DCTN1: variants seen among roughly 807,000 people sequenced by gnomAD.
DCTN1 encodes the protein dynactin subunit 1, also known as 150 kDa dynein-associated polypeptide.
DCTN1 carries 61 observed loss-of-function variants against 161.2 expected under a neutral mutation model. The observed-to-expected ratio is 0.38, with a 90% confidence interval of 0.31 to 0.47. The LOEUF (loss-of-function observed/expected upper bound fraction) is 0.47, where lower values mean the gene tolerates loss of function less well. Among genes scored for constraint, DCTN1 ranks in the 20% least tolerant of loss-of-function variants. DCTN1 has a pLI of 0.99. For synonymous variants in DCTN1, 653 were observed against 632.4 expected, an observed-to-expected ratio of 1.03 and a Z score of -0.49; for missense variants, 1,404 against 1,623.7, an observed-to-expected ratio of 0.86 and a Z score of 2.33.
In DCTN1 at chr2:74,369,401, G is replaced by A. The variant is rs184840910; in HGVS notation, c.1483C>T (p.Arg495Trp). The change falls in exon 14 of 32, where the codon CGG (arginine) becomes TGG (tryptophan). Residue 495 changes from arginine (R) to tryptophan (W), a missense_variant. Transcript: ENST00000628224. The surrounding 1 kb of genome is among the most constrained non-coding windows in gnomAD (Gnocchi z 4.9). ...ACACGCTTCTGGGCCTCACGAACCC[G>A]CGCGCCTGCCATGTCCAGCTGCTCC... is the stretch of plus-strand genomic sequence containing the variant. Reference protein sequence around the residue: ...LREQLDMAGARVREAQKRVEA... With the variant: ...LREQLDMAGAWVREAQKRVEA... 6.2e-6 allele frequency: 10 copies of A among 1,614,160 alleles called. No individual in the cohort carries two copies. The highest frequency in any genetic ancestry group is 3.3e-4 in the Middle Eastern group (2 of 6,062).
intron 1 of DCTN1, among the ~76,000 whole-genome samples, chr2:74,387,353 C>T (rs1396365817): frequency 6.6e-6 from 1 of 150,922 alleles, no homozygotes; most frequent in Admixed American, 6.6e-5. Flanking sequence ...TCAACCATTC[C>T]CACAACTTCA....
At chr2:74,368,985 CAG>C in intron 15 of DCTN1, 105 bp from the exon 16 acceptor site, 5 of 1,566,324 alleles carry the variant, frequency 3.2e-6, no homozygotes, top group Non-Finnish European at 4.4e-6. Context: ...AAGCCCAGGC[CAG>C]AGTCTTCCAA....
At chr2:74,382,799 G>A (rs565049173), upstream of DCTN1, among the ~76,000 whole-genome samples, 21 of 152,174 alleles carry the variant, frequency 1.4e-4, no homozygotes, top group South Asian at 1.0e-3. Context: ...GAGGCCGGGC[G>A]CGGTGGCTCA....
upstream of DCTN1, among the ~76,000 whole-genome samples, chr2:74,382,765 T>G (rs550010660): frequency 2.0e-5 from 3 of 151,912 alleles, no homozygotes; most frequent in South Asian, 6.2e-4. Context: ...TGCCTTGAAT[T>G]ATGGGAATTT....
Position 74,365,564 on chromosome 2 carries a change from C to CT in DCTN1, c.2979dup (p.Val994SerfsTer20). 6.2e-7 allele frequency: 1 copy of CT among 1,614,162 alleles called. No homozygotes were observed. The stretch of plus-strand genomic sequence containing the variant: ...TGGGTCTCCTCCAGCCGAGTCTGGA[C>CT]TTTCTCGATGCGCTCATCTGCATCC... On this transcript the variant is annotated frameshift_variant, in exon 25 of 32. Coordinates refer to ENST00000628224, the MANE Select transcript of DCTN1 (RefSeq NM_004082.5). LOFTEE classifies it high-confidence loss of function.
upstream of DCTN1, among the ~76,000 whole-genome samples, chr2:74,382,991 C>T (rs978524976): frequency 6.6e-6 from 1 of 151,442 alleles, no homozygotes; most frequent in Non-Finnish European, 1.5e-5. Flanking sequence ...AGGAGAATGG[C>T]GTGAACCCGG....
rs555011247 is a variant in DCTN1 at position 74,391,800 on chromosome 2, T to C, written c.-25A>G. ...CAGAGTCGCGCCTCCGTACCTGCACTGTGAGGGGCTCCGCGCCCAGCTCCG... is the reference window on the plus strand; with the variant it reads ...CAGAGTCGCGCCTCCGTACCTGCACCGTGAGGGGCTCCGCGCCCAGCTCCG... On this transcript the variant is annotated 5_prime_UTR_variant, in exon 1 of 28. Transcript: ENST00000409240. 8.6e-4 allele frequency: 388 copies of C among 453,798 alleles called. 1 individual carries two copies. Among genetic ancestry groups the C allele is most frequent in the South Asian group, 5.7e-3 (368 of 64,454 alleles). 28.1% of individuals were successfully genotyped at this position (453,798 alleles called of 1,614,324 possible). A position where few individuals can be genotyped will look rare whatever the true frequency, so the allele number is the denominator to read the frequency against.
chr2:74,385,203 G>C (rs1219810399), upstream of DCTN1: 1 of 152,178 alleles, frequency 6.6e-6, no homozygotes, highest in African/African-American at 2.4e-5. Flanking sequence ...CCTTTCCCCA[G>C]AAATATCCAG....
upstream of DCTN1, chr2:74,380,368 C>G (rs1170639851): frequency 1.9e-6 from 1 of 514,532 alleles, no homozygotes; most frequent in Non-Finnish European, 3.8e-6. Context: ...GTCCTAGTGC[C>G]CCCCTGCTTC....
intron 7 of DCTN1, 147 bp from the exon 8 acceptor site, chr2:74,371,875 G>A (rs78836016): frequency 2.3e-6 from 1 of 425,796 alleles, no homozygotes; most frequent in Non-Finnish European, 3.5e-6. Flanking sequence ...AGTGAGAAAA[G>A]AAGAATGAAG....
At chr2:74,363,674 G>T (rs376956739) in intron 26 of DCTN1, 46 bp from the exon 27 acceptor site, 4 of 1,611,940 alleles carry the variant, frequency 2.5e-6, no homozygotes, top group Non-Finnish European at 2.5e-6. Flanking sequence ...GAGGAGAGAG[G>T]AGTTAGGTGA....
Position 74,380,271 on chromosome 2 carries a change from G to A in DCTN1, c.-234C>T. The A allele has an allele frequency of 1.6e-6, 1 of 622,360 alleles. No individual in the cohort carries two copies. The highest frequency in any genetic ancestry group is 2.8e-5 in the East Asian group (1 of 35,294). The allele number at this position is 622,360 out of a possible 1,614,324, so 38.6% of individuals were successfully genotyped here. A position where few individuals can be genotyped will look rare whatever the true frequency, so the allele number is the denominator to read the frequency against. On this transcript the variant is annotated 5_prime_UTR_variant, in exon 1 of 32. Coordinates refer to ENST00000628224, the MANE Select transcript of DCTN1 (RefSeq NM_004082.5). Reference sequence around the variant, plus strand: ...TGCTGCCTGAGGATTCCTGAACCCAGAGACACAGAATCCTGCTTGCCAGCT... The same window carrying A: ...TGCTGCCTGAGGATTCCTGAACCCAAAGACACAGAATCCTGCTTGCCAGCT...
chr2:74,377,387 T>A (rs200139590), intron 4 of DCTN1, 45 bp downstream of exon 4: 245 of 1,560,594 alleles, frequency 1.6e-4, no homozygotes, highest in Non-Finnish European at 2.0e-4. Flanking sequence ...TCTTTCTCCT[T>A]CCCCTCCCTT....
rs1165474131 is a variant in DCTN1, at chr2:74,367,783, C to T, written c.2097G>A (p.Leu699=). 1 of 1,614,148 alleles carries T rather than the reference C, an allele frequency of 6.2e-7. No homozygotes were observed. The highest frequency in any genetic ancestry group is 1.1e-5 in the South Asian group (1 of 91,086). ...YPEMSAHERS[L]DFLIELLHKD... Reference sequence around the variant, plus strand: ...TGTGCAGCAGTTCAATGAGGAAATCCAAGGAGCGCTCATGGGCACTCATCT... The same window carrying T: ...TGTGCAGCAGTTCAATGAGGAAATCTAAGGAGCGCTCATGGGCACTCATCT... The change falls in exon 18 of 32, where the codon TTG becomes TTA. Residue 699 remains leucine (L), a synonymous_variant. Coordinates refer to ENST00000628224, the MANE Select transcript of DCTN1 (RefSeq NM_004082.5).
chr2:74,377,620 G>A (rs747414713), intron 3 of DCTN1, 28 bp downstream of exon 3: 1 of 1,603,372 alleles, frequency 6.2e-7, no homozygotes, highest in African/African-American at 1.3e-5. Context: ...TGGCTATGGG[G>A]AGGCAACTTT....
At chr2:74,376,342 C>T (rs1675222658) in intron 5 of DCTN1, among the ~76,000 whole-genome samples, 2 of 152,164 alleles carry the variant, frequency 1.3e-5, no homozygotes, top group Admixed American at 1.3e-4. Flanking sequence ...CCTGCAAAAC[C>T]CCCTCACTTG....
chr2:74,377,779 A>G, intron 2 of DCTN1, 53 bp from the exon 3 acceptor site: 1 of 1,561,682 alleles, frequency 6.4e-7, no homozygotes, highest in African/African-American at 1.4e-5. Flanking sequence ...AGCCAGATCA[A>G]GGACGGCTGT....
rs1449996661 is a variant in DCTN1 at position 74,369,517 on chromosome 2, C to A, written c.1393-26G>T. The A allele has an allele frequency of 6.2e-7, 1 of 1,608,880 alleles. No individual in the cohort carries two copies. Among genetic ancestry groups the A allele is most frequent in the Non-Finnish European group, 8.5e-7 (1 of 1,179,886 alleles). ...CTAGGACACCACACCATAGTTTGGGCTAAAGAAAGGCAGGGTCGGCCAGCG... is the reference window on the plus strand; with the variant it reads ...CTAGGACACCACACCATAGTTTGGGATAAAGAAAGGCAGGGTCGGCCAGCG... On this transcript the variant is annotated intron_variant, in intron 13 of 31. Transcript: ENST00000628224. This position sits in a 1 kb window ranked among gnomAD's most constrained non-coding sequence, Gnocchi z 4.9.
At chr2:74,374,236 G>A in intron 6 of DCTN1, 87 bp downstream of exon 6, 1 of 1,443,932 alleles carries the variant, frequency 6.9e-7, no homozygotes, top group South Asian at 1.2e-5. Context: ...GACAGATGAA[G>A]TCAATCAGCC....
Sources: gnomAD v4.1 joint callset for allele counts (sites outside exome capture counted in the v4.1 genomes callset) on GRCh38, gnomAD v4.1.1 for gene constraint, Gnocchi (gnomAD v3.1) non-coding constraint, MANE v1.5 for transcripts, NCBI Gene and HGNC (gene_info 2026-07-23, HGNC 2026-07-21) for gene names.